The following RYR2 variants were observed in gnomAD, a reference collection of about 807,000 sequenced individuals.
RYR2 encodes cardiac muscle ryanodine receptor-calcium release channel.
RYR2 carries 227 observed loss-of-function variants against 601.1 expected under a neutral mutation model. That is an observed-to-expected ratio of 0.38 (90% CI 0.34 to 0.42). RYR2 has a LOEUF of 0.42. RYR2 is among the 10% of genes least tolerant of loss of function. The probability of loss-of-function intolerance (pLI) is 1.00; values close to 1 mark genes in which losing one functional copy is unlikely to be tolerated. For synonymous variants in RYR2, 2,223 were observed against 2,175.1 expected (o/e 1.02, Z -0.61); for missense variants, 4,646 against 6,156.5 (o/e 0.75, Z 8.21).
intron 98 of RYR2, chr1:237,802,461 C>T (rs1225201871): frequency 4.6e-5 from 7 of 152,174 alleles, no homozygotes; most frequent in African/African-American, 1.4e-4. Flanking sequence ...TTATAGTTCA[C>T]GTTAGTTCCA....
chr1:237,310,724 T>G (rs1694466891), intron 2 of RYR2, among the ~76,000 whole-genome samples: 1 of 152,260 alleles, frequency 6.6e-6, no homozygotes, highest in Non-Finnish European at 1.5e-5. Flanking sequence ...GATTGAGTCC[T>G]GTCTCAGATA....
At chr1:237,417,866 A>G (rs2150032699) in intron 11 of RYR2, among the ~76,000 whole-genome samples, 1 of 152,208 alleles carries the variant, frequency 6.6e-6, no homozygotes, top group Non-Finnish European at 1.5e-5. Flanking sequence ...CCTTTGCCTA[A>G]AAGCAGTAAA....
At chr1:237,262,203 T>G (rs1688591462) in intron 1 of RYR2, among the ~76,000 whole-genome samples, 1 of 151,116 alleles carries the variant, frequency 6.6e-6, no homozygotes, top group Non-Finnish European at 1.5e-5. Context: ...GTACTCCAGT[T>G]CTGGCCTTTC....
intron 27 of RYR2, among the ~76,000 whole-genome samples, chr1:237,551,905 G>C (rs146214806): frequency 6.6e-5 from 10 of 152,234 alleles, no homozygotes; most frequent in African/African-American, 2.4e-4. Context: ...GAGATTCAGG[G>C]ACTTCTGTGT....
Position 237,375,674 on chromosome 1 carries a change from C to A in RYR2, c.463+879C>A, listed in dbSNP as rs527797710. On this transcript the variant is annotated intron_variant, in intron 7 of 104. Coordinates refer to ENST00000366574, the MANE Select transcript of RYR2 (RefSeq NM_001035.3). ...CGTCTTATAAAAGAAATTCCAAGAA[C>A]CCCTGGCACCAGAAAGATAAATAAA... Among the ~76,000 whole-genome samples the A allele has an allele frequency of 1.3e-3, 203 of 152,232 alleles. 3 individuals carry two copies. Among genetic ancestry groups the A allele is most frequent in the Non-Finnish European group, 2.2e-3 (148 of 68,010 alleles).
At chr1:237,467,487 C>T (rs546831337) in intron 16 of RYR2, among the ~76,000 whole-genome samples, 107 of 152,246 alleles carry the variant, frequency 7.0e-4, no homozygotes, top group African/African-American at 2.4e-3. Flanking sequence ...CCCCTGTACT[C>T]TGCAGTCTGT....
chr1:237,187,443 C>CTTTTTTTTTTTTTTTTTTTTTTTTTTT (rs10686110), intron 1 of RYR2, among the ~76,000 whole-genome samples: 1 of 86,762 alleles, frequency 1.2e-5, no homozygotes. Flanking sequence ...GCCCGGCCGA[C>CTTTTTTTTTTTTTTTTTTTTTTTTTTT]TTTTTTTTTT....
chr1:237,148,819 A>G (rs1289446548), intron 1 of RYR2, among the ~76,000 whole-genome samples: 1 of 152,104 alleles, frequency 6.6e-6, no homozygotes, highest in Non-Finnish European at 1.5e-5. Context: ...AGTACACAGT[A>G]GGCATTAAAT....
chr1:237,675,348 G>A (rs1448765203), intron 60 of RYR2, among the ~76,000 whole-genome samples: 2 of 152,130 alleles, frequency 1.3e-5, no homozygotes, highest in Non-Finnish European at 2.9e-5. Context: ...CTGGCCCAGT[G>A]CTGTCTCAAA....
chr1:237,820,741 C>G (rs895460823), intron 101 of RYR2, among the ~76,000 whole-genome samples: 1 of 152,306 alleles, frequency 6.6e-6, no homozygotes, highest in Admixed American at 6.5e-5. Context: ...CGGGTCCCAC[C>G]CCCACGGAGC....
intron 2 of RYR2, among the ~76,000 whole-genome samples, chr1:237,271,385 A>G (rs1689670371): frequency 6.6e-6 from 1 of 152,216 alleles, no homozygotes; most frequent in Non-Finnish European, 1.5e-5. Context: ...TTTCTTGCAG[A>G]AATATAAACA....
chr1:237,110,987 A>C (rs948808516), intron 1 of RYR2, among the ~76,000 whole-genome samples: 1 of 152,190 alleles, frequency 6.6e-6, no homozygotes, highest in African/African-American at 2.4e-5. Context: ...GCACGATGCC[A>C]GGTCTCAGGC....
At chr1:237,529,643 A>G (rs1463341211) in intron 24 of RYR2, among the ~76,000 whole-genome samples, 2 of 152,060 alleles carry the variant, frequency 1.3e-5, no homozygotes, top group Admixed American at 1.3e-4. Context: ...TTATGCCGTT[A>G]TTTCTTACTC....
In RYR2 at chr1:237,335,172, C is replaced by T. The variant is rs16835148; in HGVS notation, c.273+4190C>T. ...GTTTGCCGATTTAATGATGCCGCAGCAGTGTTAGAATAGAGAGTTGATGAT... is the reference window on the plus strand; with the variant it reads ...GTTTGCCGATTTAATGATGCCGCAGTAGTGTTAGAATAGAGAGTTGATGAT... On this transcript the variant is annotated intron_variant, in intron 3 of 104. Coordinates refer to ENST00000366574, the MANE Select transcript of RYR2 (RefSeq NM_001035.3). Among the ~76,000 whole-genome samples, 350 of 152,244 alleles carry T rather than the reference C, an allele frequency of 2.3e-3. 3 individuals are homozygous for T. The highest frequency in any genetic ancestry group is 7.9e-3 in the African/African-American group (330 of 41,554).
chr1:237,718,629 A>G (rs896109503), intron 73 of RYR2, 108 bp downstream of exon 73: 1 of 494,350 alleles, frequency 2.0e-6, no homozygotes, highest in East Asian at 3.3e-5. Context: ...GGTAATAGAC[A>G]TATTTTAATT....
At chr1:237,341,260 A>G (rs937307762) in intron 3 of RYR2, among the ~76,000 whole-genome samples, 35 of 152,324 alleles carry the variant, frequency 2.3e-4, no homozygotes, top group African/African-American at 7.7e-4. Context: ...ATGACATGGC[A>G]TATTTCTGAT....
In RYR2 at chr1:237,276,181, C is replaced by T. The variant is rs377342655; in HGVS notation, c.168+5565C>T. Among the ~76,000 whole-genome samples the T allele has an allele frequency of 6.6e-5, 10 of 152,266 alleles. No homozygotes were observed. In the East Asian group the frequency reaches 1.2e-3, roughly 18 times the overall value. On this transcript the variant is annotated intron_variant, in intron 2 of 104. Transcript: ENST00000366574. ...GTAGCACGAACTCGGCTAACTGAAACGTCCACCTCCTGCATTCAAGCAATT... is the reference window on the plus strand; with the variant it reads ...GTAGCACGAACTCGGCTAACTGAAATGTCCACCTCCTGCATTCAAGCAATT...
At position 237,610,440 on chromosome 1, in the gene RYR2, G is replaced by T. The variant is rs571124385; in HGVS notation, c.4684-322G>T. On this transcript the variant is annotated intron_variant, in intron 35 of 104. Coordinates refer to ENST00000366574, the MANE Select transcript of RYR2 (RefSeq NM_001035.3). The surrounding 1 kb of genome is among the most constrained non-coding windows in gnomAD (Gnocchi z 4.9). ...TAAAGACTTGCCAGCTTTCCCGGAG[G>T]TCCCAGCCTGGTAAAGAAATATAAA... 6.6e-6 allele frequency among the ~76,000 whole-genome samples: 1 copy of T among 152,270 alleles called. No homozygotes were observed. The highest frequency in any genetic ancestry group is 2.1e-4 in the South Asian group (1 of 4,824).
At chr1:237,639,891 T>C (rs747662435) in intron 46 of RYR2, among the ~76,000 whole-genome samples, 11 of 152,058 alleles carry the variant, frequency 7.2e-5, no homozygotes, top group Admixed American at 2.6e-4. Flanking sequence ...AAAAAAAGAG[T>C]TAGAGGGCAC....
Sources: allele counts gnomAD v4.1 joint callset (sites outside exome capture counted in the v4.1 genomes callset), GRCh38; gene constraint gnomAD v4.1.1; non-coding constraint Gnocchi (gnomAD v3.1); transcripts MANE v1.5; gene names NCBI Gene and HGNC (gene_info 2026-07-23, HGNC 2026-07-21).